The following ARHGAP32 variants were observed in gnomAD, a reference collection of about 807,000 sequenced individuals.
ARHGAP32 encodes the protein rho GTPase-activating protein 32.
In ARHGAP32, 51 loss-of-function variants were observed where a neutral mutation model predicts 186.5. The ratio of observed to expected loss-of-function variants is 0.27; its 90% CI spans 0.22 to 0.35. The LOEUF (loss-of-function observed/expected upper bound fraction) is 0.35, where lower values mean the gene tolerates loss of function less well. Among genes scored for constraint, ARHGAP32 ranks in the 10% least tolerant of loss-of-function variants. The pLI is 1.00. For missense variants in ARHGAP32, 2,186 were observed against 2,623.5 expected (o/e 0.83, Z 3.64); for synonymous variants, 950 against 964.3 (o/e 0.99, Z 0.27).
At chr11:129,190,916 C>CA (rs1354186800) in intron 1 of ARHGAP32, among the ~76,000 whole-genome samples, 1 of 151,926 alleles carries the variant, frequency 6.6e-6, no homozygotes, top group South Asian at 2.1e-4. Context: ...AAAGTTCAGA[C>CA]AAAAAATAAT....
In ARHGAP32 at chr11:129,123,405, T is replaced by C. The variant is rs1176701216; in HGVS notation, c.444+41A>G. The C allele has an allele frequency of 6.6e-7, 1 of 1,510,594 alleles. No homozygotes were observed. Among genetic ancestry groups the C allele is most frequent in the East Asian group, 2.3e-5 (1 of 44,238 alleles). The allele number at this position is 1,510,594 out of a possible 1,614,324, so 93.6% of individuals were successfully genotyped here. A position where few individuals can be genotyped will look rare whatever the true frequency, so the allele number is the denominator to read the frequency against. On this transcript the variant is annotated intron_variant, in intron 5 of 22. Transcript: ENST00000682385. The surrounding 1 kb of genome is among the most constrained non-coding windows in gnomAD (Gnocchi z 4.6). ...AAGCATCTAGATATAAAGGTAAATG[T>C]GTAAATCTTAATTCAAGATGTAAGA...
chr11:129,114,532 C>T (rs1942312190), intron 5 of ARHGAP32, among the ~76,000 whole-genome samples: 1 of 152,092 alleles, frequency 6.6e-6, no homozygotes, highest in Admixed American at 6.6e-5. Context: ...CCTAAGAGAA[C>T]TGTGGGTTTT....
intron 11 of ARHGAP32, among the ~76,000 whole-genome samples, chr11:129,026,526 T>C (rs192113119): frequency 1.4e-3 from 206 of 152,298 alleles, no homozygotes; most frequent in East Asian, 1.4e-3. Context: ...CTGGGCACAG[T>C]GGCTCACATT....
chr11:129,004,568 T>C (rs1937663031), intron 11 of ARHGAP32, among the ~76,000 whole-genome samples: 1 of 152,142 alleles, frequency 6.6e-6, no homozygotes, highest in African/African-American at 2.4e-5. Flanking sequence ...TGCATATATA[T>C]TTACAGTTGT....
chr11:129,130,710 G>A (rs1233917909), intron 2 of ARHGAP32, among the ~76,000 whole-genome samples: 1 of 152,090 alleles, frequency 6.6e-6, no homozygotes, highest in Non-Finnish European at 1.5e-5. Context: ...GTAGAATAGG[G>A]TACCAGTGTT....
chr11:129,248,808 G>C (rs180730960), intron 1 of ARHGAP32, among the ~76,000 whole-genome samples: 1 of 152,238 alleles, frequency 6.6e-6, no homozygotes, highest in Non-Finnish European at 1.5e-5. Context: ...CTATGACCAT[G>C]TGTTTTTTTC....
At chr11:129,016,566 T>A (rs111740532) in intron 11 of ARHGAP32, among the ~76,000 whole-genome samples, 4 of 152,262 alleles carry the variant, frequency 2.6e-5, no homozygotes, top group African/African-American at 9.6e-5. Context: ...GCATATAGCA[T>A]GTAAGACGTC....
At chr11:129,016,546 C>T (rs1259453190) in intron 11 of ARHGAP32, among the ~76,000 whole-genome samples, 2 of 152,112 alleles carry the variant, frequency 1.3e-5, no homozygotes, top group African/African-American at 2.4e-5. Context: ...TTCTATCTTA[C>T]GTGAAAAATG....
chr11:129,094,734 A>G (rs1941681708), intron 5 of ARHGAP32, among the ~76,000 whole-genome samples: 1 of 152,076 alleles, frequency 6.6e-6, no homozygotes, highest in African/African-American at 2.4e-5. Context: ...TGCTTTACTC[A>G]CTTATGTTAC....
intron 17 of ARHGAP32, 31 bp from the exon 18 acceptor site, chr11:128,980,779 A>G: frequency 6.6e-7 from 1 of 1,506,344 alleles, no homozygotes. Flanking sequence ...TGATGAAGAG[A>G]GTCAACTACG....
intron 1 of ARHGAP32, among the ~76,000 whole-genome samples, chr11:129,186,024 A>C (rs1326533055): frequency 6.6e-6 from 1 of 152,132 alleles, no homozygotes; most frequent in Admixed American, 6.6e-5. Flanking sequence ...TGACATATTT[A>C]ATTTAAAAAA....
At chr11:129,143,089 A>AT (rs66832335) in intron 2 of ARHGAP32, among the ~76,000 whole-genome samples, 134 of 145,480 alleles carry the variant, frequency 9.2e-4, no homozygotes, top group Non-Finnish European at 1.4e-3. Flanking sequence ...ATATATATAT[A>AT]ATCAACTGAA....
chr11:128,975,691 T>C (rs902327848), intron 20 of ARHGAP32, among the ~76,000 whole-genome samples: 1 of 152,152 alleles, frequency 6.6e-6, no homozygotes, highest in Non-Finnish European at 1.5e-5. Flanking sequence ...CTCTATTCTA[T>C]TAGGATTATT....
intron 1 of ARHGAP32, among the ~76,000 whole-genome samples, chr11:129,177,078 G>C (rs1270805547): frequency 6.6e-6 from 1 of 150,954 alleles, no homozygotes; most frequent in Non-Finnish European, 1.5e-5. Flanking sequence ...GAATCAAATA[G>C]ACGCAATAAA....
chr11:129,227,917 A>G (rs926391652), intron 1 of ARHGAP32, among the ~76,000 whole-genome samples: 4 of 152,154 alleles, frequency 2.6e-5, no homozygotes, highest in Non-Finnish European at 1.5e-5. Context: ...TTTACCCAAC[A>G]ACAATAATAT....
At chr11:129,006,561 C>T (rs1937783355) in intron 11 of ARHGAP32, among the ~76,000 whole-genome samples, 1 of 152,190 alleles carries the variant, frequency 6.6e-6, no homozygotes, top group South Asian at 2.1e-4. Flanking sequence ...GTTTTCTTCT[C>T]TTACTTTCTC....
At chr11:129,133,195 C>CA (rs1157017662) in intron 2 of ARHGAP32, among the ~76,000 whole-genome samples, 5 of 151,856 alleles carry the variant, frequency 3.3e-5, no homozygotes, top group African/African-American at 4.8e-5. Flanking sequence ...TGATAACAGA[C>CA]AAAAAATCAT....
At chr11:129,191,868 T>A (rs746624485) in intron 1 of ARHGAP32, among the ~76,000 whole-genome samples, 10 of 152,134 alleles carry the variant, frequency 6.6e-5, no homozygotes, top group Non-Finnish European at 4.4e-5. Context: ...CCTGGCGTTC[T>A]AACAAGTCCT....
At chr11:129,205,204 C>A (rs1028246923) in intron 1 of ARHGAP32, among the ~76,000 whole-genome samples, 4 of 151,980 alleles carry the variant, frequency 2.6e-5, no homozygotes, top group African/African-American at 9.7e-5. Context: ...ATCTCTGGGG[C>A]TTTTTATGTT....
Sources: gnomAD v4.1 joint callset for allele counts (sites outside exome capture counted in the v4.1 genomes callset) on GRCh38, gnomAD v4.1.1 for gene constraint, Gnocchi (gnomAD v3.1) non-coding constraint, MANE v1.5 for transcripts, NCBI Gene and HGNC (gene_info 2026-07-23, HGNC 2026-07-21) for gene names.